GRTP1: variants seen among roughly 807,000 people sequenced by gnomAD.
GRTP1 encodes growth hormone regulated TBC protein 1, also known as growth hormone-regulated TBC protein 1.
Under a neutral mutation model 38.1 loss-of-function variants are expected in GRTP1, and 56 were observed. The ratio of observed to expected loss-of-function variants is 1.47; its 90% CI spans 1.19 to 1.84. GRTP1 has a LOEUF of 1.84. Among genes scored for constraint, GRTP1 ranks in the 40% most tolerant of loss-of-function variants. GRTP1 has a pLI of 0.00. For synonymous variants in GRTP1, 217 were observed against 189.5 expected (o/e 1.14, Z -1.19); for missense variants, 506 against 453.9 (o/e 1.11, Z -1.04).
At chr13:113,332,853 A>AG (rs1222108940) in intron 5 of GRTP1, among the ~76,000 whole-genome samples, 1 of 152,234 alleles carries the variant, frequency 6.6e-6, no homozygotes, top group East Asian at 1.9e-4. Context: ...GGGGCCAACC[A>AG]GAAGAGGCTC....
At chr13:113,335,044 G>C (rs574019387) in intron 5 of GRTP1, among the ~76,000 whole-genome samples, 4 of 151,780 alleles carry the variant, frequency 2.6e-5, no homozygotes, top group Non-Finnish European at 5.9e-5. Context: ...GGATGGTCTC[G>C]ATCTCCTGAC....
Position 113,325,731 on chromosome 13 carries a change from G to A in GRTP1, c.851C>T (p.Pro284Leu). The A allele has an allele frequency of 6.2e-7, 1 of 1,614,198 alleles. No homozygotes were observed. Among genetic ancestry groups the A allele is most frequent in the South Asian group, 1.1e-5 (1 of 91,082 alleles). Residue 284 changes from proline to leucine, a missense_variant, in exon 7 of 8, where the codon CCA becomes CTA. Pro to Leu is a moderately conservative substitution (Grantham distance 98). Coordinates refer to ENST00000375431, the MANE Select transcript of GRTP1 (RefSeq NM_024719.4). Reference sequence around the variant, plus strand: ...CTGCTTAAACTTATCGCAAATGTCTGGAACGCTGGTGGCTTCCAAAATCAA... The same window carrying A: ...CTGCTTAAACTTATCGCAAATGTCTAGAACGCTGGTGGCTTCCAAAATCAA... Reference protein sequence around the residue: ...QELILEATSVPDICDKFKQIT... With the variant: ...QELILEATSVLDICDKFKQIT...
Position 113,355,336 on chromosome 13 carries a change from G to T in GRTP1, c.327C>A (p.Asp109Glu). 1 of 1,614,020 alleles carries T rather than the reference G, an allele frequency of 6.2e-7. No homozygotes were observed. Among genetic ancestry groups the T allele is most frequent in the Non-Finnish European group, 8.5e-7 (1 of 1,179,966 alleles). ...LQGERNPRLE[D>E]AIRTDLNRTF... ...CCACCGCCTCACCTGTCCTGATGGC[G>T]TCCTCCAGCCTGGGGTTTCTCTCTC... The change falls in exon 3 of 8, where the codon GAC becomes GAA. Residue 109 changes from aspartate to glutamate, a missense_variant. Transcript: ENST00000375431.
intron 5 of GRTP1, among the ~76,000 whole-genome samples, chr13:113,339,208 C>A (rs1247134233): frequency 2.0e-5 from 3 of 152,152 alleles, no homozygotes; most frequent in African/African-American, 7.2e-5. Context: ...GCCACCACAC[C>A]CTGGCTTTCT....
At chr13:113,331,403 C>G (rs531953065) in intron 5 of GRTP1, among the ~76,000 whole-genome samples, 1 of 152,196 alleles carries the variant, frequency 6.6e-6, no homozygotes, top group Admixed American at 6.5e-5. Flanking sequence ...CCAGGAGGCA[C>G]GGGCTGCAGC....
At chr13:113,350,382 G>A (rs970062849) in intron 4 of GRTP1, among the ~76,000 whole-genome samples, 34 of 152,000 alleles carry the variant, frequency 2.2e-4, no homozygotes, top group African/African-American at 7.0e-4. Flanking sequence ...AGTGGCCTCA[G>A]AGGACGACAC....
rs370094620 is a variant in GRTP1, at chr13:113,344,884, G to C, written c.541C>G (p.Leu181Val). 2.5e-6 allele frequency: 4 copies of C among 1,608,216 alleles called. No homozygotes were observed. In the African/African-American group the frequency reaches 4.0e-5, roughly 16 times the overall value. ...ATACCTGGTAGTATTCTTCCAACAA[G>C]AGCATCTAACAGCCAAAAAGATTCT... ...EEESFWLLDA[L>V]VGRILPDYYS... Residue 181 changes from leucine (L) to valine (V), a missense_variant, in exon 5 of 8, where the codon CTT (leucine) becomes GTT (valine). Coordinates refer to ENST00000375431, the MANE Select transcript of GRTP1 (RefSeq NM_024719.4).
intron 7 of GRTP1, 174 bp from the exon 8 acceptor site, chr13:113,324,751 C>T (rs978565441): frequency 1.0e-5 from 14 of 1,381,788 alleles, no homozygotes; most frequent in Non-Finnish European, 1.3e-5. Flanking sequence ...TGCCCTGGGG[C>T]CTAGGACTGC....
At chr13:113,332,231 CCACA>C (rs1343254664) in intron 5 of GRTP1, among the ~76,000 whole-genome samples, 2 of 151,264 alleles carry the variant, frequency 1.3e-5, no homozygotes, top group East Asian at 2.0e-4. Flanking sequence ...TGCACGCACA[CCACA>C]CACAGGTACA....
chr13:113,330,785 T>TG (rs542494170), intron 5 of GRTP1, among the ~76,000 whole-genome samples: 32 of 48 alleles, frequency 0.67, 15 homozygotes, highest in Admixed American at 1. Flanking sequence ...GGTGCGTGCA[T>TG]GGAGCCCAGG....
At chr13:113,358,458 G>T (rs1186300907) in intron 2 of GRTP1, among the ~76,000 whole-genome samples, 1 of 152,126 alleles carries the variant, frequency 6.6e-6, no homozygotes, top group Non-Finnish European at 1.5e-5. Context: ...AAAATACTTT[G>T]TAGACAATGA....
intron 5 of GRTP1, among the ~76,000 whole-genome samples, chr13:113,333,346 T>C (rs2042903718): frequency 1.3e-5 from 2 of 152,100 alleles, no homozygotes; most frequent in South Asian, 4.2e-4. Flanking sequence ...AGCAGTGTGG[T>C]CACAGTCAGG....
chr13:113,339,160 C>T (rs886383588), intron 5 of GRTP1, among the ~76,000 whole-genome samples: 1 of 152,094 alleles, frequency 6.6e-6, no homozygotes, highest in Non-Finnish European at 1.5e-5. Context: ...GTGATCCACC[C>T]ACCTCAGCCT....
At chr13:113,347,997 T>C (rs1196025953) in intron 4 of GRTP1, among the ~76,000 whole-genome samples, 1 of 151,814 alleles carries the variant, frequency 6.6e-6, no homozygotes, top group Non-Finnish European at 1.5e-5. Context: ...TGGGAGGACC[T>C]GTGTGGCTGA....
rs33972835 is a variant in GRTP1 at position 113,333,874 on chromosome 13, T to TGCGTGC, written c.563-7784_563-7783insGCACGC. ...GTGTGTGTGTGTGTGTGTGTGTGTG[T>TGCGTGC]CCGAGGCTGGAGTGCAGTAGCGCGA... On this transcript the variant is annotated intron_variant, in intron 5 of 7. Transcript: ENST00000375431. 5.0e-3 allele frequency among the ~76,000 whole-genome samples: 679 copies of TGCGTGC among 135,340 alleles called. 5 individuals carry two copies. The highest frequency in any genetic ancestry group is 0.018 in the African/African-American group (643 of 35,198). 88.8% of individuals were successfully genotyped at this position (135,340 alleles called of 152,430 possible). A position where few individuals can be genotyped will look rare whatever the true frequency, so the allele number is the denominator to read the frequency against.
chr13:113,334,417 G>A lies in GRTP1; in HGVS notation c.563-8326C>T, dbSNP rs192703844. Reference sequence around the variant, plus strand: ...TCGAGAAAAACAGAAAATAAGAACCGCAAATGCTTACCTAGGTATTAACTT... The same window carrying A: ...TCGAGAAAAACAGAAAATAAGAACCACAAATGCTTACCTAGGTATTAACTT... On this transcript the variant is annotated intron_variant, in intron 5 of 7. Transcript: ENST00000375431. Among the ~76,000 whole-genome samples, 408 of 152,204 alleles carry A rather than the reference G, an allele frequency of 2.7e-3. 8 individuals are homozygous for A. Among genetic ancestry groups the A allele is most frequent in the Admixed American group, 0.023 (348 of 15,278 alleles).
intron 2 of GRTP1, among the ~76,000 whole-genome samples, chr13:113,357,108 G>A (rs112985545): frequency 7.3e-5 from 11 of 150,904 alleles, no homozygotes; most frequent in African/African-American, 2.2e-4. Flanking sequence ...TCAAGAGATC[G>A]AGACCATCCT....
At chr13:113,352,733 G>C (rs1368598446) in intron 3 of GRTP1, among the ~76,000 whole-genome samples, 2 of 152,178 alleles carry the variant, frequency 1.3e-5, no homozygotes, top group African/African-American at 4.8e-5. Flanking sequence ...CTCCATTGTG[G>C]AGACAGAAGA....
In GRTP1 at chr13:113,325,671, G is replaced by A. The variant is rs146741219; in HGVS notation, c.911C>T (p.Thr304Met). The change falls in exon 7 of 8, where the codon ACG becomes ATG. Residue 304 changes from threonine (T) to methionine (M), a missense_variant. Physicochemically the swap from Thr to Met is moderately conservative, Grantham distance 81. Transcript: ENST00000375431. ...TKGSFVMECH[T>M]FMQKIFSEPG... ...TGCAGCCCCACACACCTGCATAAAC[G>A]TGTGACACTCCATCACGAAACTCCC... is the stretch of plus-strand genomic sequence containing the variant. 31 of 1,614,134 alleles carry A rather than the reference G, an allele frequency of 1.9e-5. No individual in the cohort carries two copies. The Admixed American group carries it at 2.2e-4, about 11-fold the overall frequency.
Sources: gnomAD v4.1 joint callset for allele counts (sites outside exome capture counted in the v4.1 genomes callset) on GRCh38, gnomAD v4.1.1 for gene constraint, MANE v1.5 for transcripts, NCBI Gene and HGNC (gene_info 2026-07-23, HGNC 2026-07-21) for gene names.